Variants in FOXP1 observed in about 807,000 individuals in gnomAD.
FOXP1 encodes the protein forkhead box protein P1.
In FOXP1, 15 loss-of-function variants were observed where a neutral mutation model predicts 98.2. That is an observed-to-expected ratio of 0.15 (90% confidence interval 0.10 to 0.24). The LOEUF (loss-of-function observed/expected upper bound fraction) is 0.24. FOXP1 is among the 10% of genes least tolerant of loss of function. The pLI is 1.00. For synonymous variants in FOXP1, 371 were observed against 314.5 expected (o/e 1.18, Z -1.90); for missense variants, 633 against 848.5 (o/e 0.75, Z 3.15).
At chr3:70,974,852 T>A (rs2037160769) in intron 17 of FOXP1, among the ~76,000 whole-genome samples, 1 of 152,134 alleles carries the variant, frequency 6.6e-6, no homozygotes, top group Admixed American at 6.5e-5. Flanking sequence ...CAAAATAATT[T>A]CTGTAGATCA....
At chr3:71,324,771 CAAAT>C (rs370482116) in intron 4 of FOXP1, among the ~76,000 whole-genome samples, 10,968 of 151,892 alleles carry the variant, frequency 0.072, 501 homozygotes, top group South Asian at 0.13. Flanking sequence ...ATAATAAAAA[CAAAT>C]AAATAAATAA....
At chr3:71,085,735 C>CTTTTTTTTTTTTTTTTTTTTTTT (rs56318177) in intron 7 of FOXP1, among the ~76,000 whole-genome samples, 458 of 37,026 alleles carry the variant, frequency 0.012, 188 homozygotes, top group African/African-American at 0.04. Context: ...CATTTATGGC[C>CTTTTTTTTTTTTTTTTTTTTTTT]TTTTTTTTTT....
chr3:71,071,203 G>A (rs1271494056), intron 7 of FOXP1, among the ~76,000 whole-genome samples: 1 of 152,162 alleles, frequency 6.6e-6, no homozygotes, highest in Non-Finnish European at 1.5e-5. Flanking sequence ...TGGGGAGCGG[G>A]TGGGAGAGGG....
At chr3:71,049,404 G>A (rs2049522092) in intron 9 of FOXP1, among the ~76,000 whole-genome samples, 1 of 152,050 alleles carries the variant, frequency 6.6e-6, no homozygotes. Context: ...CAATATTCAT[G>A]AGCAGTCACT....
chr3:71,192,729 G>A lies in FOXP1; in HGVS notation c.180+5473C>T, dbSNP rs540107014. Among the ~76,000 whole-genome samples the A allele has an allele frequency of 2.2e-4, 33 of 151,546 alleles. 1 individual carries two copies. The highest frequency in any genetic ancestry group is 7.5e-4 in the African/African-American group (31 of 41,324). ...CAGTGGCAAGATCTCAGTTCACTGCGGCCTCGACCTCCCATGCTCAAGGGA... is the reference window on the plus strand; with the variant it reads ...CAGTGGCAAGATCTCAGTTCACTGCAGCCTCGACCTCCCATGCTCAAGGGA... On this transcript the variant is annotated intron_variant, in intron 6 of 20. Coordinates refer to ENST00000649528, the MANE Select transcript of FOXP1 (RefSeq NM_001349338.3).
At chr3:71,315,770 G>T (rs2075040935) in intron 4 of FOXP1, among the ~76,000 whole-genome samples, 1 of 152,154 alleles carries the variant, frequency 6.6e-6, no homozygotes, top group Admixed American at 6.5e-5. Context: ...TTAAGAGGAG[G>T]ATCCTGTGAA....
Position 71,342,741 on chromosome 3 carries a change from T to G in FOXP1, c.-73+16409A>C, listed in dbSNP as rs183638406. ...CCAAGTCTAAAATCTACCTCTTTCT[T>G]TTTTTAAATTTTGAAATAATTACAG... On this transcript the variant is annotated intron_variant, in intron 4 of 20. Transcript: ENST00000649528. 5.6e-3 allele frequency among the ~76,000 whole-genome samples: 812 copies of G among 146,074 alleles called. 9 individuals carry two copies. Among genetic ancestry groups the G allele is most frequent in the African/African-American group, 0.021 (753 of 35,886 alleles).
chr3:71,087,851 T>A (rs1006028883), intron 7 of FOXP1, among the ~76,000 whole-genome samples: 3 of 152,220 alleles, frequency 2.0e-5, no homozygotes, highest in Non-Finnish European at 4.4e-5. Context: ...GGGCTTGTTA[T>A]ATTATGCAAA....
At chr3:71,074,752 A>G (rs1033321643) in intron 7 of FOXP1, among the ~76,000 whole-genome samples, 1 of 152,172 alleles carries the variant, frequency 6.6e-6, no homozygotes, top group African/African-American at 2.4e-5. Context: ...AAAATAACAC[A>G]AAGTTAAAAT....
chr3:71,034,659 A>G (rs1210836254), intron 11 of FOXP1, among the ~76,000 whole-genome samples: 1 of 152,248 alleles, frequency 6.6e-6, no homozygotes, highest in African/African-American at 2.4e-5. Context: ...TGTTAGCTGC[A>G]TTCTCATCAC....
rs3755733 is a variant in FOXP1 at position 70,971,749 on chromosome 3, T to G, written c.1652+806A>C. 32,576 of 325,458 alleles carry G rather than the reference T, an allele frequency of 0.1. 2,272 individuals carry two copies. Among genetic ancestry groups the G allele is most frequent in the East Asian group, 0.29 (5,808 of 20,374 alleles). The allele number at this position is 325,458 out of a possible 1,614,324, so 20.2% of individuals were successfully genotyped here. On this transcript the variant is annotated intron_variant, in intron 18 of 20. Transcript: ENST00000649528. ...GGGGGGATTATGGGTTAAGCACAAG[T>G]ATTTAGTTCTAGGGTCCCCGTAAGC...
At chr3:70,982,487 A>G (rs917805917) in intron 14 of FOXP1, among the ~76,000 whole-genome samples, 1 of 152,158 alleles carries the variant, frequency 6.6e-6, no homozygotes, top group Non-Finnish European at 1.5e-5. Context: ...TAACTCTGAT[A>G]TTTTCTACAT....
chr3:71,322,427 T>C (rs2075444284), intron 4 of FOXP1, among the ~76,000 whole-genome samples: 1 of 152,228 alleles, frequency 6.6e-6, no homozygotes, highest in Non-Finnish European at 1.5e-5. Flanking sequence ...GAAAGTTCTA[T>C]GGGACAGCTC....
chr3:71,047,016 A>G lies in FOXP1; in HGVS notation c.590T>C (p.Leu197Pro). ...CAGAAGGCCTTGGCGCTGCAAAGACAGGAGGTGCTGCTGCTGTAACTGCTG... is the reference window on the plus strand; with the variant it reads ...CAGAAGGCCTTGGCGCTGCAAAGACGGGAGGTGCTGCTGCTGTAACTGCTG... Reference protein sequence around the residue: ...QMQQLQQQHLLSLQRQGLLTI... With the variant: ...QMQQLQQQHLPSLQRQGLLTI... The change falls in exon 10 of 21, where the codon CTG becomes CCG. Residue 197 changes from leucine to proline, a missense_variant. Leu to Pro is a moderately conservative substitution (Grantham distance 98). Coordinates refer to ENST00000649528, the MANE Select transcript of FOXP1 (RefSeq NM_001349338.3). The G allele has an allele frequency of 1.2e-6, 2 of 1,614,126 alleles. No homozygotes were observed. Among genetic ancestry groups the G allele is most frequent in the Non-Finnish European group, 1.7e-6 (2 of 1,179,964 alleles).
chr3:71,030,063 C>T (rs1299954820), intron 11 of FOXP1, among the ~76,000 whole-genome samples: 7 of 152,192 alleles, frequency 4.6e-5, no homozygotes, highest in Non-Finnish European at 8.8e-5. Flanking sequence ...GGGTGGGAAA[C>T]TGAGGCACAC....
intron 4 of FOXP1, among the ~76,000 whole-genome samples, chr3:71,326,545 CA>C (rs1287504571): frequency 1.3e-5 from 2 of 152,076 alleles, no homozygotes; most frequent in Non-Finnish European, 2.9e-5. Flanking sequence ...ATAGATTCTT[CA>C]AGAGATGTGT....
chr3:71,400,165 T>C (rs1232607445), intron 3 of FOXP1, among the ~76,000 whole-genome samples: 1 of 152,148 alleles, frequency 6.6e-6, no homozygotes, highest in East Asian at 1.9e-4. Flanking sequence ...GGCAAGTAGG[T>C]AAAAAATGTT....
chr3:71,206,415 G>A (rs1325428896), intron 5 of FOXP1, among the ~76,000 whole-genome samples: 1 of 152,088 alleles, frequency 6.6e-6, no homozygotes, highest in Non-Finnish European at 1.5e-5. Context: ...AAAACCCATT[G>A]GAAACACTGA....
At chr3:71,063,818 A>C (rs2051899241) in intron 7 of FOXP1, among the ~76,000 whole-genome samples, 2 of 152,226 alleles carry the variant, frequency 1.3e-5, no homozygotes, top group Admixed American at 1.3e-4. Flanking sequence ...TAGATATTTT[A>C]CTTGTAACTG....
Sources: gnomAD v4.1 joint callset for allele counts (sites outside exome capture counted in the v4.1 genomes callset) on GRCh38, gnomAD v4.1.1 for gene constraint, MANE v1.5 for transcripts, NCBI Gene and HGNC (gene_info 2026-07-23, HGNC 2026-07-21) for gene names.